The following RAD52 variants were observed in gnomAD, a reference collection of about 807,000 sequenced individuals.
The protein encoded by RAD52 is DNA repair protein RAD52 homolog.
A neutral mutation model predicts 55.5 loss-of-function variants in RAD52; 47 were observed. The observed-to-expected ratio is 0.85, with a 90% CI of 0.67 to 1.08. RAD52 has a LOEUF of 1.08. RAD52 is among the 50% of genes least tolerant of loss of function. The pLI, the probability that RAD52 is intolerant of heterozygous loss-of-function variation, is 0.00. For missense variants in RAD52, 468 were observed against 522.8 expected (o/e 0.90, Z 1.02); for synonymous variants, 184 against 198.9 (o/e 0.92, Z 0.63).
At chr12:921,468 CTGGCA>C (rs1956723664) in intron 7 of RAD52, among the ~76,000 whole-genome samples, 1 of 151,982 alleles carries the variant, frequency 6.6e-6, no homozygotes, top group South Asian at 2.1e-4. Flanking sequence ...AAAAATTAGC[CTGGCA>C]TGGTGGCAAA....
intron 7 of RAD52, among the ~76,000 whole-genome samples, chr12:917,770 CAAAAAAA>C (rs71055103): frequency 1.9e-5 from 2 of 107,360 alleles, no homozygotes; most frequent in Non-Finnish European, 3.6e-5. Context: ...ACTAAAAATA[CAAAAAAA>C]AAAAAAAAAA....
chr12:925,154 G>C lies in RAD52; in HGVS notation c.543+296C>G, dbSNP rs536887065. ...TTTAGTAGAGACAGGGTTTCACCGT[G>C]TTAGCCAGGATGGTCTCGATCTCCT... On this transcript the variant is annotated intron_variant, in intron 7 of 11. Coordinates refer to ENST00000358495, the MANE Select transcript of RAD52 (RefSeq NM_134424.4). 2.6e-5 allele frequency among the ~76,000 whole-genome samples: 4 copies of C among 152,102 alleles called. No individual in the cohort carries two copies. In the East Asian group the frequency reaches 7.7e-4, roughly 29 times the overall value.
chr12:965,110 G>A (rs1352712208), intron 1 of RAD52, among the ~76,000 whole-genome samples: 2 of 151,880 alleles, frequency 1.3e-5, no homozygotes, highest in African/African-American at 4.9e-5. Context: ...CTCCCAAGTA[G>A]CTAGGAGTAC....
chr12:976,442 T>G (rs1346480027), intron 1 of RAD52: 4 of 152,150 alleles, frequency 2.6e-5, no homozygotes, highest in Non-Finnish European at 5.9e-5. Context: ...CATTTCTGGG[T>G]CTTAAGAAAC....
At chr12:935,904 A>C (rs1293137690) in intron 1 of RAD52, among the ~76,000 whole-genome samples, 1 of 150,546 alleles carries the variant, frequency 6.6e-6, no homozygotes, top group African/African-American at 2.4e-5. Flanking sequence ...AAATAACTAG[A>C]GACGGGGTTT....
chr12:916,124 G>A, intron 9 of RAD52: 1 of 1,251,890 alleles, frequency 8.0e-7, no homozygotes, highest in Non-Finnish European at 1.0e-6. Context: ...TAGTTCCACG[G>A]GGGAAAAAAG....
At chr12:956,497 G>A (rs1057264842) in intron 1 of RAD52, among the ~76,000 whole-genome samples, 1 of 152,138 alleles carries the variant, frequency 6.6e-6, no homozygotes, top group East Asian at 1.9e-4. Flanking sequence ...ATATCCTTAT[G>A]GATGAAAACA....
Position 928,730 on chromosome 12 carries a change from C to T in RAD52, c.348+1089G>A, listed in dbSNP as rs566465247. ...ATTTATGTTTTCTCTTCACCATAAA[C>T]ACAATTGTCTGGTCAATTGTGTGTT... On this transcript the variant is annotated intron_variant, in intron 5 of 11. Transcript: ENST00000358495. 4.6e-5 allele frequency among the ~76,000 whole-genome samples: 7 copies of T among 152,026 alleles called. No individual in the cohort carries two copies. The East Asian group carries it at 1.3e-3, about 29-fold the overall frequency.
intron 7 of RAD52, among the ~76,000 whole-genome samples, chr12:921,067 T>C (rs1956700010): frequency 6.6e-6 from 1 of 152,050 alleles, no homozygotes. Context: ...CAAGCCAACT[T>C]AGAAGAATTC....
rs1051155058 is a variant in RAD52, at chr12:980,295, C to CT, written c.-19+9513dup. On this transcript the variant is annotated intron_variant, in intron 1 of 11. Coordinates refer to the RAD52 transcript ENST00000430095. ...AATGTCTCCTATTGTGTTGTCTTTC[C>CT]TTTTTTTTTTTTTTTGAGACGAAGT... Among the ~76,000 whole-genome samples the CT allele has an allele frequency of 2.1e-3, 293 of 139,628 alleles. 1 individual carries two copies. The highest frequency in any genetic ancestry group is 0.011 in the Middle Eastern group (3 of 282). The allele number at this position is 139,628 out of a possible 152,430, so 91.6% of individuals were successfully genotyped here. A position where few individuals can be genotyped will look rare whatever the true frequency, so the allele number is the denominator to read the frequency against.
Position 912,453 on chromosome 12 carries a change from T to C in RAD52, c.*938A>G, listed in dbSNP as rs1378139429. 5.0e-6 allele frequency: 1 copy of C among 198,264 alleles called. No individual in the cohort carries two copies. Among genetic ancestry groups the C allele is most frequent in the East Asian group, 7.8e-5 (1 of 12,772 alleles). The allele number at this position is 198,264 out of a possible 1,614,324, so 12.3% of individuals were successfully genotyped here. ...CTTGGGTCCCATCCCCAAGGTCTCA[T>C]TATGTGTATACAAATATTCAAAAAA... is the stretch of plus-strand genomic sequence containing the variant. On this transcript the variant is annotated 3_prime_UTR_variant, in exon 12 of 12. Transcript: ENST00000358495.
chr12:916,889 C>T (rs917069263), intron 7 of RAD52, 69 bp from the exon 8 acceptor site: 21 of 1,543,934 alleles, frequency 1.4e-5, no homozygotes, highest in Admixed American at 5.5e-5. Context: ...CCCTGACTCA[C>T]AGATTGCGAT....
At chr12:952,607 A>T (rs1958543479), upstream of RAD52, among the ~76,000 whole-genome samples, 2 of 151,756 alleles carry the variant, frequency 1.3e-5, no homozygotes. Context: ...TTATAAGAAA[A>T]CAGGCTGGGT....
In RAD52 at chr12:930,156, A is replaced by C. The variant is rs572027386; in HGVS notation, c.187-12T>G. 2.5e-6 allele frequency: 4 copies of C among 1,587,214 alleles called. No homozygotes were observed. Among genetic ancestry groups the C allele is most frequent in the South Asian group, 2.2e-5 (2 of 89,078 alleles). On this transcript the variant is annotated splice_polypyrimidine_tract_variant and intron_variant, in intron 3 of 11. Coordinates refer to ENST00000358495, the MANE Select transcript of RAD52 (RefSeq NM_134424.4). ...TCAATGTAGCACACCTAGAAAAACA[A>C]ATGTTTTTAAGGAAAAGCTGTGTTA... is the stretch of plus-strand genomic sequence containing the variant.
At chr12:926,169 T>C (rs1395725778) in intron 6 of RAD52, among the ~76,000 whole-genome samples, 2 of 152,006 alleles carry the variant, frequency 1.3e-5, no homozygotes, top group Non-Finnish European at 2.9e-5. Context: ...TTGAGTGAGT[T>C]CTCACTCAGC....
intron 1 of RAD52, 179 bp downstream of exon 1, chr12:949,423 T>A (rs1466424990): frequency 6.6e-6 from 1 of 152,332 alleles, no homozygotes; most frequent in Non-Finnish European, 1.5e-5. Flanking sequence ...GCCCGGATAC[T>A]GAGCCCCTCA....
At chr12:973,552 A>G (rs1317179163) in intron 1 of RAD52, among the ~76,000 whole-genome samples, 3 of 141,314 alleles carry the variant, frequency 2.1e-5, no homozygotes, top group Non-Finnish European at 4.6e-5. Flanking sequence ...ATCTTGGCTC[A>G]CTGCAATCTC....
intron 7 of RAD52, among the ~76,000 whole-genome samples, chr12:923,850 G>A (rs1053547512): frequency 2.7e-5 from 4 of 148,732 alleles, no homozygotes; most frequent in Non-Finnish European, 5.9e-5. Flanking sequence ...TTGAGGTCAG[G>A]AGTTCAAGAC....
intron 2 of RAD52, 84 bp downstream of exon 2, chr12:932,891 G>A: frequency 8.6e-7 from 1 of 1,158,680 alleles, no homozygotes; most frequent in East Asian, 2.4e-5. Context: ...GCTCACACAT[G>A]TACTACGATG....
Sources: gnomAD v4.1 joint callset for allele counts (sites outside exome capture counted in the v4.1 genomes callset) on GRCh38, gnomAD v4.1.1 for gene constraint, MANE v1.5 for transcripts, NCBI Gene and HGNC (gene_info 2026-07-23, HGNC 2026-07-21) for gene names.